The following GMDS variants were observed in gnomAD, a reference collection of about 807,000 sequenced individuals.
GMDS encodes GDP-mannose 4,6-dehydratase.
A neutral mutation model predicts 49.9 loss-of-function variants in GMDS; 20 were observed. The observed-to-expected ratio is 0.40, with a 90% CI of 0.28 to 0.58. GMDS has a LOEUF of 0.58. Among genes scored for constraint, GMDS ranks in the 20% least tolerant of loss-of-function variants. The pLI is 0.42. For synonymous variants in GMDS, 177 were observed against 178.6 expected (o/e 0.99, Z 0.07); for missense variants, 362 against 481.4 (o/e 0.75, Z 2.32).
intron 9 of GMDS, among the ~76,000 whole-genome samples, chr6:1,685,321 C>T (rs542113759): frequency 4.5e-4 from 68 of 152,026 alleles, no homozygotes; most frequent in African/African-American, 2.2e-4. Flanking sequence ...GCCGAGATCA[C>T]GCCACTGCAC....
intron 4 of GMDS, among the ~76,000 whole-genome samples, chr6:1,985,814 G>A (rs1410175353): frequency 3.3e-5 from 5 of 151,806 alleles, no homozygotes; most frequent in Admixed American, 3.3e-4. Context: ...ACAAGGAAGA[G>A]GCGGGCTACT....
chr6:2,097,030 T>G (rs1415578084), intron 4 of GMDS, among the ~76,000 whole-genome samples: 2 of 151,992 alleles, frequency 1.3e-5, no homozygotes, highest in Non-Finnish European at 2.9e-5. Flanking sequence ...ACAGACAATG[T>G]GAATTCAACA....
intron 7 of GMDS, among the ~76,000 whole-genome samples, chr6:1,881,185 C>T (rs1271390221): frequency 6.6e-6 from 1 of 152,106 alleles, no homozygotes; most frequent in African/African-American, 2.4e-5. Context: ...AAAGACCAAA[C>T]ACAATTAGAA....
At chr6:1,694,419 G>T (rs543656034) in intron 9 of GMDS, among the ~76,000 whole-genome samples, 1 of 152,296 alleles carries the variant, frequency 6.6e-6, no homozygotes, top group African/African-American at 2.4e-5. Flanking sequence ...AGTCATTGTG[G>T]TATGCATTTA....
At chr6:1,934,576 G>A (rs75417925) in intron 6 of GMDS, among the ~76,000 whole-genome samples, 346 of 152,208 alleles carry the variant, frequency 2.3e-3, no homozygotes, top group African/African-American at 8.1e-3. Context: ...ATAGTTTTCA[G>A]AGAATAATTT....
chr6:2,169,698 C>T (rs1259087283), intron 1 of GMDS, among the ~76,000 whole-genome samples: 2 of 150,656 alleles, frequency 1.3e-5, no homozygotes, highest in Non-Finnish European at 2.9e-5. Context: ...AGAAGAATAA[C>T]TTATTTTTCC....
intron 4 of GMDS, among the ~76,000 whole-genome samples, chr6:2,034,389 G>A (rs1184644587): frequency 6.6e-6 from 1 of 152,162 alleles, no homozygotes; most frequent in Non-Finnish European, 1.5e-5. Flanking sequence ...GGTTGCCAGG[G>A]GCTGGGGCGG....
intron 9 of GMDS, among the ~76,000 whole-genome samples, chr6:1,703,547 G>C (rs971041430): frequency 6.6e-6 from 1 of 152,048 alleles, no homozygotes; most frequent in Admixed American, 6.6e-5. Context: ...AAGCTACTTT[G>C]TATAAATAAA....
At chr6:1,721,136 A>G (rs1404977529) in intron 9 of GMDS, among the ~76,000 whole-genome samples, 1 of 152,146 alleles carries the variant, frequency 6.6e-6, no homozygotes, top group Admixed American at 6.6e-5. Flanking sequence ...GCAAGCAATT[A>G]TAGGCCATTT....
intron 7 of GMDS, among the ~76,000 whole-genome samples, chr6:1,860,746 T>G (rs1213827464): frequency 6.6e-6 from 1 of 152,046 alleles, no homozygotes; most frequent in African/African-American, 2.4e-5. Context: ...GGTCCACAGG[T>G]TTGGGTTGTA....
chr6:1,639,439 C>T (rs1763261791), intron 9 of GMDS, among the ~76,000 whole-genome samples: 1 of 152,232 alleles, frequency 6.6e-6, no homozygotes, highest in African/African-American at 2.4e-5. Context: ...AGTCCAGATG[C>T]AGACAGCTGT....
chr6:2,080,720 C>G (rs1772641096), intron 4 of GMDS, among the ~76,000 whole-genome samples: 1 of 152,130 alleles, frequency 6.6e-6, no homozygotes, highest in African/African-American at 2.4e-5. Flanking sequence ...GTTGAGCATG[C>G]ATTTCCTTGG....
chr6:2,136,640 T>C (rs1776016376), intron 1 of GMDS, among the ~76,000 whole-genome samples: 1 of 152,148 alleles, frequency 6.6e-6, no homozygotes, highest in African/African-American at 2.4e-5. Context: ...AGATTGCTTG[T>C]AGTCCAGAAG....
At chr6:1,678,345 C>T (rs1409839088) in intron 9 of GMDS, among the ~76,000 whole-genome samples, 5 of 152,192 alleles carry the variant, frequency 3.3e-5, no homozygotes, top group Non-Finnish European at 7.3e-5. Flanking sequence ...ATGTTCCCAC[C>T]CAATGCTGGC....
At chr6:1,821,623 T>A (rs949464567) in intron 7 of GMDS, among the ~76,000 whole-genome samples, 8 of 147,578 alleles carry the variant, frequency 5.4e-5, no homozygotes, top group African/African-American at 2.0e-4. Flanking sequence ...TTTTTTTTTT[T>A]TTTTTTTTTT....
At chr6:1,721,430 T>C (rs577877274) in intron 9 of GMDS, among the ~76,000 whole-genome samples, 2 of 151,442 alleles carry the variant, frequency 1.3e-5, no homozygotes, top group Admixed American at 1.3e-4. Flanking sequence ...AAAAATACAA[T>C]GGGAAGAAAA....
At chr6:1,645,039 G>A (rs181237778) in intron 9 of GMDS, among the ~76,000 whole-genome samples, 8 of 151,558 alleles carry the variant, frequency 5.3e-5, no homozygotes, top group African/African-American at 1.9e-4. Flanking sequence ...AGGTTCAAGC[G>A]ATTCTCTTGC....
chr6:1,949,497 G>C (rs1355607721), intron 6 of GMDS, among the ~76,000 whole-genome samples: 1 of 152,178 alleles, frequency 6.6e-6, no homozygotes, highest in Non-Finnish European at 1.5e-5. Context: ...AACAATTCCA[G>C]AAATCTCACC....
At chr6:1,682,158 T>C (rs1361806593) in intron 9 of GMDS, among the ~76,000 whole-genome samples, 1 of 152,236 alleles carries the variant, frequency 6.6e-6, no homozygotes, top group Non-Finnish European at 1.5e-5. Flanking sequence ...TAAATACCTA[T>C]GTTTTACCTT....
Sources: gnomAD v4.1 joint callset for allele counts (sites outside exome capture counted in the v4.1 genomes callset) on GRCh38, gnomAD v4.1.1 for gene constraint, MANE v1.5 for transcripts, NCBI Gene and HGNC (gene_info 2026-07-23, HGNC 2026-07-21) for gene names.